The following KCNK2 variants were observed in gnomAD, a reference collection of about 807,000 sequenced individuals.
KCNK2 encodes potassium channel subfamily K member 2.
Under a neutral mutation model 40.5 loss-of-function variants are expected in KCNK2, and 21 were observed. The ratio of observed to expected loss-of-function variants is 0.52; its 90% confidence interval spans 0.37 to 0.75. KCNK2 has a LOEUF of 0.75. Among genes scored for constraint, KCNK2 ranks in the 30% least tolerant of loss-of-function variants. KCNK2 has a pLI of 0.00. For synonymous variants in KCNK2, 191 were observed against 202.2 expected, an observed-to-expected ratio of 0.94 and a Z score of 0.47; for missense variants, 399 against 531.6, an observed-to-expected ratio of 0.75 and a Z score of 2.45.
chr1:215,039,402 C>T (rs529083028), intron 1 of KCNK2, among the ~76,000 whole-genome samples: 11 of 152,204 alleles, frequency 7.2e-5, no homozygotes, highest in East Asian at 3.9e-4. Flanking sequence ...ACCTCCACTT[C>T]GGAGAATCTT....
At chr1:215,022,962 C>T (rs1024309307) in intron 1 of KCNK2, among the ~76,000 whole-genome samples, 3 of 152,140 alleles carry the variant, frequency 2.0e-5, no homozygotes, top group African/African-American at 7.2e-5. Flanking sequence ...GGGTTAGAAT[C>T]ACATGGGTAA....
intron 5 of KCNK2, among the ~76,000 whole-genome samples, chr1:215,177,641 T>A (rs1664031806): frequency 6.6e-6 from 1 of 150,844 alleles, no homozygotes; most frequent in African/African-American, 2.4e-5. Flanking sequence ...TTTTATTGAC[T>A]TTGTCAAACA....
chr1:215,173,677 T>C (rs1663822766), intron 5 of KCNK2, among the ~76,000 whole-genome samples: 1 of 152,196 alleles, frequency 6.6e-6, no homozygotes, highest in Admixed American at 6.5e-5. Flanking sequence ...TGGTGTGAGA[T>C]GGTGTCTCAT....
intron 1 of KCNK2, among the ~76,000 whole-genome samples, chr1:215,038,789 C>T (rs1352720740): frequency 6.6e-6 from 1 of 152,086 alleles, no homozygotes; most frequent in East Asian, 1.9e-4. Flanking sequence ...ACTGAAACCA[C>T]TGAAAAACAT....
intron 2 of KCNK2, among the ~76,000 whole-genome samples, chr1:215,112,864 C>T (rs1163935275): frequency 6.6e-6 from 1 of 152,108 alleles, no homozygotes; most frequent in Non-Finnish European, 1.5e-5. Flanking sequence ...TGTGGAAGTA[C>T]TCTCTATGAT....
At chr1:215,022,206 T>G (rs1656830384) in intron 1 of KCNK2, among the ~76,000 whole-genome samples, 1 of 151,144 alleles carries the variant, frequency 6.6e-6, no homozygotes, top group Non-Finnish European at 1.5e-5. Context: ...AATTTGGAAT[T>G]TCTTCCATTG....
At chr1:215,106,377 T>G (rs912710965) in intron 2 of KCNK2, among the ~76,000 whole-genome samples, 1 of 152,122 alleles carries the variant, frequency 6.6e-6, no homozygotes, top group African/African-American at 2.4e-5. Flanking sequence ...TGTTGGTCCC[T>G]TGTATGTCTT....
At chr1:215,044,750 T>G (rs1319757201) in intron 1 of KCNK2, among the ~76,000 whole-genome samples, 1 of 151,646 alleles carries the variant, frequency 6.6e-6, no homozygotes, top group Non-Finnish European at 1.5e-5. Context: ...GGGATCCTGA[T>G]GGGCTGTGGT....
At chr1:215,077,156 A>G (rs1658973959) in intron 1 of KCNK2, among the ~76,000 whole-genome samples, 1 of 152,156 alleles carries the variant, frequency 6.6e-6, no homozygotes, top group Non-Finnish European at 1.5e-5. Context: ...TTCTGACTAT[A>G]TTGGTTGAGG....
intron 5 of KCNK2, among the ~76,000 whole-genome samples, chr1:215,192,886 T>C (rs1664723872): frequency 6.6e-6 from 1 of 152,182 alleles, no homozygotes; most frequent in South Asian, 2.1e-4. Flanking sequence ...AGCTGAACGA[T>C]GCCTATTCAA....
chr1:215,035,459 TCTC>T (rs529537494), intron 1 of KCNK2, among the ~76,000 whole-genome samples: 30 of 152,208 alleles, frequency 2.0e-4, no homozygotes, highest in Admixed American at 1.9e-3. Flanking sequence ...ACTGATCTGT[TCTC>T]CTTTCCTATC....
chr1:215,098,130 G>A (rs572702495), intron 2 of KCNK2, among the ~76,000 whole-genome samples: 1 of 151,900 alleles, frequency 6.6e-6, no homozygotes, highest in East Asian at 1.9e-4. Context: ...AGTGTCCCTT[G>A]CCTATTTGAG....
chr1:215,007,185 GTATATATATATATA>G (rs1162302568), intron 1 of KCNK2, among the ~76,000 whole-genome samples: 7 of 31,026 alleles, frequency 2.3e-4, no homozygotes, highest in East Asian at 1.3e-3. Flanking sequence ...ATGTGTGTGG[GTATATATATATATA>G]TATATATATA....
At chr1:215,176,904 G>GAAT (rs1247386769) in intron 5 of KCNK2, among the ~76,000 whole-genome samples, 3 of 152,138 alleles carry the variant, frequency 2.0e-5, no homozygotes, top group Non-Finnish European at 4.4e-5. Context: ...GGTCTTTGAG[G>GAAT]AATAATCACA....
chr1:215,195,144 G>A (rs754485837), intron 6 of KCNK2, 52 bp downstream of exon 6: 13 of 1,301,692 alleles, frequency 1.0e-5, no homozygotes, highest in Non-Finnish European at 4.2e-6. Flanking sequence ...TTCAATAAAG[G>A]TTATTTTAAA....
intron 2 of KCNK2, among the ~76,000 whole-genome samples, chr1:215,103,948 A>G (rs1660326806): frequency 6.6e-6 from 1 of 152,060 alleles, no homozygotes; most frequent in Non-Finnish European, 1.5e-5. Context: ...CTATTGAAGA[A>G]GAGAAAAAAA....
rs541047062 is a variant in KCNK2, at chr1:215,186,585, G to A, written c.824-8368G>A. On this transcript the variant is annotated intron_variant, in intron 5 of 6. Coordinates refer to ENST00000444842, the MANE Select transcript of KCNK2 (RefSeq NM_001017425.3). ...GAATCAAAAGCATTTAGAGATCACC[G>A]GTGCAGATAAATAGGCAGTGCTCAG... is the stretch of plus-strand genomic sequence containing the variant. Among the ~76,000 whole-genome samples the A allele has an allele frequency of 7.9e-5, 12 of 152,184 alleles. No individual in the cohort carries two copies. The East Asian group carries it at 1.7e-3, about 22-fold the overall frequency.
chr1:215,133,748 C>T (rs1661773528), intron 3 of KCNK2, among the ~76,000 whole-genome samples: 1 of 151,810 alleles, frequency 6.6e-6, no homozygotes, highest in African/African-American at 2.4e-5. Flanking sequence ...AAATGAAGTT[C>T]ATGTTTAACT....
intron 2 of KCNK2, among the ~76,000 whole-genome samples, chr1:215,106,178 G>A (rs1660432258): frequency 6.6e-6 from 1 of 151,988 alleles, no homozygotes; most frequent in Non-Finnish European, 1.5e-5. Context: ...GCTTTCCACG[G>A]TGACTGAACT....
Sources: gnomAD v4.1 joint callset for allele counts (sites outside exome capture counted in the v4.1 genomes callset) on GRCh38, gnomAD v4.1.1 for gene constraint, MANE v1.5 for transcripts, NCBI Gene and HGNC (gene_info 2026-07-23, HGNC 2026-07-21) for gene names.